Variants in DCC observed in about 807,000 individuals in gnomAD.
DCC encodes the protein netrin receptor DCC.
Under a neutral mutation model 172.5 loss-of-function variants are expected in DCC, and 58 were observed. The observed-to-expected ratio is 0.34, with a 90% CI of 0.27 to 0.42. The LOEUF (loss-of-function observed/expected upper bound fraction) is 0.42, where lower values mean the gene tolerates loss of function less well. Ranked by LOEUF, DCC falls within the 10% of genes least tolerant of loss-of-function variation. The pLI is 1.00. For synonymous variants in DCC, 709 were observed against 644.5 expected, an observed-to-expected ratio of 1.10 and a Z score of -1.52; for missense variants, 1,740 against 1,791.0, an observed-to-expected ratio of 0.97 and a Z score of 0.51.
chr18:52,737,418 G>A (rs1029605068), intron 1 of DCC, among the ~76,000 whole-genome samples: 1 of 152,080 alleles, frequency 6.6e-6, no homozygotes, highest in Non-Finnish European at 1.5e-5. Context: ...TTTATTTCAA[G>A]AAGAAAACCA....
rs1292917245 is a variant in DCC, at chr18:52,497,269, AAAAAAAAAAAAAT to A, written c.91+156393_91+156405del. ...GAGTGAGACCCTGTATCAAAAAAAA[AAAAAAAAAAAAAT>A]ATATATATATATATATATATATATA... On this transcript the variant is annotated intron_variant, in intron 1 of 28. Transcript: ENST00000442544. Among the ~76,000 whole-genome samples, 12 of 80,676 alleles carry A rather than the reference AAAAAAAAAAAAAT, an allele frequency of 1.5e-4. No homozygotes were observed. In the East Asian group the frequency reaches 3.4e-3, roughly 23 times the overall value. 52.9% of individuals were successfully genotyped at this position (80,676 alleles called of 152,430 possible). A position where few individuals can be genotyped will look rare whatever the true frequency, so the allele number is the denominator to read the frequency against.
At chr18:53,384,725 G>C (rs186907633) in intron 15 of DCC, among the ~76,000 whole-genome samples, 1 of 151,730 alleles carries the variant, frequency 6.6e-6, no homozygotes, top group Admixed American at 6.6e-5. Context: ...TTGCAGTTTT[G>C]ATCTATTTTT....
chr18:52,474,022 T>TA (rs1479055872), intron 1 of DCC, among the ~76,000 whole-genome samples: 4 of 151,672 alleles, frequency 2.6e-5, no homozygotes, highest in African/African-American at 9.7e-5. Flanking sequence ...AGGCAAACTT[T>TA]AAAAAAAATA....
chr18:52,838,893 A>G (rs1412363007), intron 2 of DCC, among the ~76,000 whole-genome samples: 1 of 152,212 alleles, frequency 6.6e-6, no homozygotes, highest in Non-Finnish European at 1.5e-5. Flanking sequence ...CTTAGAAGAT[A>G]GGTGATTTGG....
At chr18:52,827,707 G>T (rs567327123) in intron 2 of DCC, among the ~76,000 whole-genome samples, 3 of 152,308 alleles carry the variant, frequency 2.0e-5, no homozygotes, top group Non-Finnish European at 2.9e-5. Context: ...GCAGGCACTT[G>T]CATTTCAGTC....
chr18:52,903,196 A>G (rs566159356), intron 2 of DCC, among the ~76,000 whole-genome samples: 1 of 152,164 alleles, frequency 6.6e-6, no homozygotes, highest in Non-Finnish European at 1.5e-5. Flanking sequence ...ATAGATGTTT[A>G]ATTTTCTGTT....
intron 1 of DCC, among the ~76,000 whole-genome samples, chr18:52,515,252 T>C (rs2031586915): frequency 6.6e-6 from 1 of 151,942 alleles, no homozygotes; most frequent in African/African-American, 2.4e-5. Flanking sequence ...GCCAAAAATA[T>C]AAGAAATAAA....
At chr18:52,656,074 A>ATATATGTG (rs1568277771) in intron 1 of DCC, among the ~76,000 whole-genome samples, 1 of 138,406 alleles carries the variant, frequency 7.2e-6, no homozygotes, top group Non-Finnish European at 1.5e-5. Context: ...ATATATGTGT[A>ATATATGTG]TATATATGTG....
intron 12 of DCC, among the ~76,000 whole-genome samples, chr18:53,295,835 A>C (rs1247335029): frequency 6.6e-6 from 1 of 152,168 alleles, no homozygotes; most frequent in African/African-American, 2.4e-5. Flanking sequence ...GAAACCTGTC[A>C]TTCTTGATGA....
At chr18:52,690,015 C>T (rs900242467) in intron 1 of DCC, among the ~76,000 whole-genome samples, 15 of 152,288 alleles carry the variant, frequency 9.8e-5, no homozygotes, top group African/African-American at 3.1e-4. Flanking sequence ...CATATTCATT[C>T]AGTCAGTCAG....
chr18:52,476,723 C>T (rs1244257285), intron 1 of DCC, among the ~76,000 whole-genome samples: 1 of 152,024 alleles, frequency 6.6e-6, no homozygotes, highest in Non-Finnish European at 1.5e-5. Flanking sequence ...TCAGGATAGG[C>T]TAACTGCTAC....
chr18:52,614,621 C>T (rs745637930), intron 1 of DCC, among the ~76,000 whole-genome samples: 2 of 152,104 alleles, frequency 1.3e-5, no homozygotes, highest in Non-Finnish European at 2.9e-5. Flanking sequence ...AGTTGTGTCT[C>T]ACTCTTTCTA....
At chr18:53,051,876 A>C (rs2042338584) in intron 5 of DCC, among the ~76,000 whole-genome samples, 1 of 152,058 alleles carries the variant, frequency 6.6e-6, no homozygotes, top group African/African-American at 2.4e-5. Context: ...TCAATCTGAA[A>C]ATTTATTTTC....
In DCC at chr18:52,791,733, T is replaced by C. The variant is rs76328631; in HGVS notation, c.412+39359T>C. ...GCATCTGTTGCACTTTCCTCCTTGATGGAGGAAGTGTGCTGATTTGAGCTC... is the reference window on the plus strand; with the variant it reads ...GCATCTGTTGCACTTTCCTCCTTGACGGAGGAAGTGTGCTGATTTGAGCTC... On this transcript the variant is annotated intron_variant, in intron 2 of 28. Transcript: ENST00000442544. 5.0e-3 allele frequency among the ~76,000 whole-genome samples: 764 copies of C among 152,252 alleles called. 6 individuals are homozygous for C. The highest frequency in any genetic ancestry group is 0.017 in the African/African-American group (702 of 41,550).
At chr18:53,113,442 T>C (rs570332417) in intron 7 of DCC, among the ~76,000 whole-genome samples, 2 of 151,582 alleles carry the variant, frequency 1.3e-5, no homozygotes, top group African/African-American at 2.4e-5. Context: ...ATCTTACCTG[T>C]ATATATTGAT....
intron 1 of DCC, among the ~76,000 whole-genome samples, chr18:52,642,386 G>A (rs1014281443): frequency 1.3e-5 from 2 of 152,002 alleles, no homozygotes; most frequent in Admixed American, 1.3e-4. Context: ...CTGCTCGGGT[G>A]ATGGGTGTAC....
intron 1 of DCC, among the ~76,000 whole-genome samples, chr18:52,690,801 C>G (rs1171788537): frequency 6.6e-6 from 1 of 152,004 alleles, no homozygotes; most frequent in Admixed American, 6.6e-5. Flanking sequence ...GAAGTGAAAT[C>G]AATTCTGTAG....
intron 1 of DCC, among the ~76,000 whole-genome samples, chr18:52,541,412 A>C (rs2032443073): frequency 6.6e-6 from 1 of 152,180 alleles, no homozygotes; most frequent in African/African-American, 2.4e-5. Context: ...GGTGGATTAA[A>C]ATTTTTAACC....
intron 5 of DCC, among the ~76,000 whole-genome samples, chr18:52,959,438 C>T (rs1388918466): frequency 6.6e-6 from 1 of 151,870 alleles, no homozygotes; most frequent in Non-Finnish European, 1.5e-5. Flanking sequence ...CAGGCATATA[C>T]ACTTCTGATT....
Sources: gnomAD v4.1 joint callset for allele counts (sites outside exome capture counted in the v4.1 genomes callset) on GRCh38, gnomAD v4.1.1 for gene constraint, MANE v1.5 for transcripts, NCBI Gene and HGNC (gene_info 2026-07-23, HGNC 2026-07-21) for gene names.